The following DRGX variants were observed in gnomAD, a reference collection of about 807,000 sequenced individuals.
DRGX encodes the protein dorsal root ganglia homeobox.
A neutral mutation model predicts 28.6 loss-of-function variants in DRGX; 21 were observed. That is an observed-to-expected ratio of 0.73 (90% confidence interval 0.52 to 1.06). DRGX has a LOEUF of 1.06. Ranked by LOEUF, DRGX falls within the 50% of genes least tolerant of loss-of-function variation. The pLI is 0.00. For missense variants in DRGX, 354 were observed against 343.9 expected, an observed-to-expected ratio of 1.03 and a Z score of -0.23; for synonymous variants, 136 against 139.1, an observed-to-expected ratio of 0.98 and a Z score of 0.16.
At chr10:49,366,823 CAT>C (rs1294621470) in intron 6 of DRGX, among the ~76,000 whole-genome samples, 1 of 152,236 alleles carries the variant, frequency 6.6e-6, no homozygotes, top group South Asian at 2.1e-4. Context: ...CCCAGCCACA[CAT>C]GTCAGGTGCC....
chr10:49,368,970 G>C (rs1322008205), intron 6 of DRGX, among the ~76,000 whole-genome samples: 2 of 152,182 alleles, frequency 1.3e-5, no homozygotes, highest in Admixed American at 1.3e-4. Context: ...CTGGCCCTGG[G>C]TCAGGCCAGA....
intron 6 of DRGX, among the ~76,000 whole-genome samples, chr10:49,375,690 C>G (rs1027989239): frequency 6.6e-6 from 1 of 152,184 alleles, no homozygotes; most frequent in Non-Finnish European, 1.5e-5. Flanking sequence ...TGCTGTGACA[C>G]AGTCTCAGGG....
intron 4 of DRGX, among the ~76,000 whole-genome samples, chr10:49,388,645 T>G (rs761237638): frequency 6.6e-6 from 1 of 152,204 alleles, no homozygotes; most frequent in Non-Finnish European, 1.5e-5. Flanking sequence ...TATTTTTCAT[T>G]ATCATATTTT....
chr10:49,368,356 T>G (rs969740484), intron 6 of DRGX, among the ~76,000 whole-genome samples: 1 of 152,218 alleles, frequency 6.6e-6, no homozygotes, highest in Non-Finnish European at 1.5e-5. Context: ...GATACCAAGA[T>G]GAGTGTGAGG....
rs1185089845 is a variant in DRGX at position 49,395,423 on chromosome 10, G to A, written c.18C>T (p.Cys6=). MFYFH[C]PPQLEGTATF... is the part of the protein sequence containing the mutation. ...CTTACTTACCCTCTAGCTGTGGCGG[G>A]CAGTGGAAATAAAACATCGCCGGCT... The change falls in exon 2 of 7, where the codon TGC becomes TGT. Residue 6 remains cysteine (C), a synonymous_variant. Coordinates refer to ENST00000374139, the MANE Select transcript of DRGX (RefSeq NM_001276451.2). 6.5e-7 allele frequency: 1 copy of A among 1,550,324 alleles called. No homozygotes were observed. The highest frequency in any genetic ancestry group is 8.7e-7 in the Non-Finnish European group (1 of 1,146,908).
intron 2 of DRGX, 122 bp downstream of exon 2, chr10:49,395,285 C>A: frequency 7.9e-7 from 1 of 1,268,716 alleles, no homozygotes; most frequent in East Asian, 2.5e-5. Flanking sequence ...CCCCTACTCA[C>A]CGGCAGGCGG....
chr10:49,381,203 C>T (rs1167278593), intron 6 of DRGX, among the ~76,000 whole-genome samples: 1 of 152,236 alleles, frequency 6.6e-6, no homozygotes, highest in Non-Finnish European at 1.5e-5. Context: ...TGGGCAGCTT[C>T]CTGACTCGAG....
At chr10:49,367,612 T>G (rs1018241789) in intron 6 of DRGX, among the ~76,000 whole-genome samples, 1 of 152,042 alleles carries the variant, frequency 6.6e-6, no homozygotes, top group African/African-American at 2.4e-5. Flanking sequence ...TTAGTGTAGG[T>G]CCAAGCCCAG....
intron 6 of DRGX, among the ~76,000 whole-genome samples, chr10:49,368,335 C>T (rs370916669): frequency 6.6e-6 from 1 of 152,222 alleles, no homozygotes; most frequent in African/African-American, 2.4e-5. Context: ...GGACTGATCC[C>T]GTAGGCAGCA....
intron 6 of DRGX, among the ~76,000 whole-genome samples, chr10:49,369,286 A>G (rs1849630035): frequency 6.6e-6 from 1 of 152,200 alleles, no homozygotes; most frequent in South Asian, 2.1e-4. Context: ...AAGAGTCTAC[A>G]TGTGCCTGGC....
chr10:49,394,480 C>G (rs1236033098), intron 2 of DRGX, among the ~76,000 whole-genome samples: 1 of 152,174 alleles, frequency 6.6e-6, no homozygotes, highest in Non-Finnish European at 1.5e-5. Flanking sequence ...GCCAGTCCGA[C>G]GGTTACAAAA....
At chr10:49,382,312 C>T (rs765312943) in intron 6 of DRGX, among the ~76,000 whole-genome samples, 27 of 152,162 alleles carry the variant, frequency 1.8e-4, no homozygotes, top group Non-Finnish European at 2.6e-4. Context: ...CCCCAAGCCT[C>T]GGTTTCTCAT....
intron 6 of DRGX, among the ~76,000 whole-genome samples, chr10:49,385,102 A>T (rs532559040): frequency 4.0e-4 from 61 of 152,222 alleles, no homozygotes; most frequent in African/African-American, 1.4e-3. Flanking sequence ...GTAGCCCCTG[A>T]GCAGCCCACT....
In DRGX at chr10:49,393,492, T is replaced by C. The variant is rs1399714583; in HGVS notation, c.34+1915A>G. On this transcript the variant is annotated intron_variant, in intron 2 of 6. Transcript: ENST00000374139. ...TCTCAGGCAGGTGCCAGTAGTACTT[T>C]TTAATGTAACATCAGCAAAATTATC... Among the ~76,000 whole-genome samples the C allele has an allele frequency of 2.0e-5, 3 of 152,246 alleles. No individual in the cohort carries two copies. In the East Asian group the frequency reaches 5.8e-4, roughly 29 times the overall value.
intron 2 of DRGX, chr10:49,391,933 G>T: frequency 2.1e-6 from 1 of 477,836 alleles, no homozygotes; most frequent in Non-Finnish European, 4.3e-6. Context: ...ATGCCAAGCA[G>T]ACTTGAACAA....
At position 49,364,940 on chromosome 10, in the gene DRGX, C is replaced by A. The variant is rs893799331; in HGVS notation, c.*1176G>T. The A allele has an allele frequency of 1.3e-5, 2 of 152,228 alleles. No individual in the cohort carries two copies. The highest frequency in any genetic ancestry group is 4.8e-5 in the African/African-American group (2 of 41,438). 9.4% of individuals were successfully genotyped at this position (152,228 alleles called of 1,614,324 possible). On this transcript the variant is annotated 3_prime_UTR_variant, in exon 7 of 7. Coordinates refer to ENST00000374139, the MANE Select transcript of DRGX (RefSeq NM_001276451.2). ...GCCGGGCGCCCCTGCCAGAAAGCGGCAGAGCTTATGCTATTGCACGTTCCC... is the reference window on the plus strand; with the variant it reads ...GCCGGGCGCCCCTGCCAGAAAGCGGAAGAGCTTATGCTATTGCACGTTCCC...
chr10:49,389,309 C>T (rs192071028), intron 4 of DRGX, among the ~76,000 whole-genome samples: 8 of 152,180 alleles, frequency 5.3e-5, no homozygotes, highest in Admixed American at 2.6e-4. Context: ...CCAGGGGAAC[C>T]GAAAGCAAAC....
chr10:49,378,630 G>C (rs1849740929), intron 6 of DRGX, among the ~76,000 whole-genome samples: 1 of 152,270 alleles, frequency 6.6e-6, no homozygotes, highest in African/African-American at 2.4e-5. Context: ...CACCACTTCT[G>C]TTCAATACTG....
At chr10:49,371,237 C>G (rs1296126316) in intron 6 of DRGX, among the ~76,000 whole-genome samples, 1 of 152,220 alleles carries the variant, frequency 6.6e-6, no homozygotes, top group East Asian at 1.9e-4. Flanking sequence ...CTGAACACTG[C>G]TGAGAACTTG....
Sources: gnomAD v4.1 joint callset for allele counts (sites outside exome capture counted in the v4.1 genomes callset) on GRCh38, gnomAD v4.1.1 for gene constraint, MANE v1.5 for transcripts, NCBI Gene and HGNC (gene_info 2026-07-23, HGNC 2026-07-21) for gene names.